Variants in POLK observed in about 807,000 individuals in gnomAD.
POLK encodes the protein polymerase (DNA directed) kappa.
Under a neutral mutation model 94.0 loss-of-function variants are expected in POLK, and 76 were observed. The observed-to-expected ratio is 0.81, with a 90% CI of 0.67 to 0.98. POLK has a LOEUF of 0.98. POLK is among the 50% of genes least tolerant of loss of function. The pLI is 0.00. For missense variants in POLK, 954 were observed against 1,010.1 expected (o/e 0.94, Z 0.75); for synonymous variants, 349 against 325.4 (o/e 1.07, Z -0.78).
chr5:75,524,387 G>T (rs1768733128), intron 1 of POLK, among the ~76,000 whole-genome samples: 1 of 152,158 alleles, frequency 6.6e-6, no homozygotes, highest in Non-Finnish European at 1.5e-5. Flanking sequence ...TTAGAAGACA[G>T]TGGAGTTTAA....
Position 75,573,102 on chromosome 5 carries a change from T to G in POLK, c.409-636T>G, listed in dbSNP as rs867558564. On this transcript the variant is annotated intron_variant, in intron 4 of 14. Transcript: ENST00000241436. ...GGCACTATTCACAATAGCAAAGACT[T>G]GGAACCAACCCAAATGTCCAACAAT... 4.2e-4 allele frequency among the ~76,000 whole-genome samples: 64 copies of G among 152,170 alleles called. 2 individuals carry two copies. The South Asian group carries it at 8.9e-3, about 21-fold the overall frequency.
intron 10 of POLK, 25 bp from the exon 11 acceptor site, chr5:75,590,319 G>C: frequency 7.4e-7 from 1 of 1,345,404 alleles, no homozygotes; most frequent in Non-Finnish European, 1.0e-6. Context: ...TACTTTGTGC[G>C]CCAAAATTAT....
chr5:75,511,133 C>G (rs1183592054), upstream of POLK: 2 of 1,602,482 alleles, frequency 1.2e-6, no homozygotes, highest in Non-Finnish European at 8.5e-7. Flanking sequence ...CCCCGCAGCG[C>G]TCCACAGGCG....
intron 2 of POLK, among the ~76,000 whole-genome samples, chr5:75,550,731 A>C (rs1425501046): frequency 6.6e-6 from 1 of 152,232 alleles, no homozygotes; most frequent in African/African-American, 2.4e-5. Context: ...AAAAGCTCTT[A>C]ACAGACTTGA....
intron 12 of POLK, among the ~76,000 whole-genome samples, chr5:75,595,248 G>GAAAAAAAAAAAAAAAAAAAAAA (rs58783164): frequency 8.0e-5 from 2 of 24,882 alleles, no homozygotes; most frequent in African/African-American, 2.2e-4. Context: ...CTCCACCTCA[G>GAAAAAAAAAAAAAAAAAAAAAA]AAAAAAAAAA....
At chr5:75,595,258 A>AAAAAAAAAAAAAAAAG in intron 12 of POLK, among the ~76,000 whole-genome samples, 1 of 149,614 alleles carries the variant, frequency 6.7e-6, no homozygotes. Context: ...GAAAAAAAAA[A>AAAAAAAAAAAAAAAAG]AAAAAAAAAA....
chr5:75,542,198 G>A (rs772044002), intron 1 of POLK, among the ~76,000 whole-genome samples: 4 of 152,102 alleles, frequency 2.6e-5, no homozygotes, highest in Non-Finnish European at 5.9e-5. Flanking sequence ...AAGGTTTTCT[G>A]AGGAAATTAT....
At chr5:75,605,273 C>G (rs1227550496), downstream of POLK, among the ~76,000 whole-genome samples, 1 of 152,104 alleles carries the variant, frequency 6.6e-6, no homozygotes, top group Non-Finnish European at 1.5e-5. Flanking sequence ...AATATCTGGC[C>G]TTCTAACTCA....
chr5:75,542,644 C>CATATATACACATAT (rs529367466), intron 1 of POLK, among the ~76,000 whole-genome samples: 1 of 145,618 alleles, frequency 6.9e-6, no homozygotes, highest in South Asian at 2.2e-4. Context: ...TACACATATA[C>CATATATACACATAT]ATATATACAC....
the POLK span, among the ~76,000 whole-genome samples, chr5:75,608,258 A>G: frequency 6.6e-6 from 1 of 151,744 alleles, no homozygotes; most frequent in Non-Finnish European, 1.5e-5. Context: ...CAGTGACATG[A>G]TAACAGCTTG....
chr5:75,587,774 A>G (rs1772548665), intron 10 of POLK, among the ~76,000 whole-genome samples: 1 of 152,162 alleles, frequency 6.6e-6, no homozygotes, highest in Non-Finnish European at 1.5e-5. Flanking sequence ...TACAAAAATC[A>G]GCCCGGTGTG....
At chr5:75,524,869 G>A (rs1040432101) in intron 1 of POLK, among the ~76,000 whole-genome samples, 2 of 152,168 alleles carry the variant, frequency 1.3e-5, no homozygotes, top group Admixed American at 6.5e-5. Flanking sequence ...AAAAGAGAGA[G>A]CCAGATAATG....
At chr5:75,566,319 C>G (rs118013601) in intron 3 of POLK, among the ~76,000 whole-genome samples, 51 of 152,308 alleles carry the variant, frequency 3.3e-4, no homozygotes, top group Middle Eastern at 3.4e-3. Context: ...GCGTGGGATC[C>G]GCTGAGCCAG....
chr5:75,532,916 A>G (rs546594484), intron 1 of POLK, among the ~76,000 whole-genome samples: 1 of 152,192 alleles, frequency 6.6e-6, no homozygotes, highest in African/African-American at 2.4e-5. Context: ...GTTTTTGCCC[A>G]CTTTATAATG....
chr5:75,584,917 A>T (rs763434745), exon 9 of POLK: 1 of 1,587,736 alleles, frequency 6.3e-7, no homozygotes, highest in Non-Finnish European at 8.6e-7. Flanking sequence ...GGTTCAACAC[A>T]CCTGACGAGG....
intron 4 of POLK, among the ~76,000 whole-genome samples, chr5:75,571,557 A>G (rs547727788): frequency 6.6e-6 from 1 of 152,318 alleles, no homozygotes. Flanking sequence ...GGCTTCATTC[A>G]TAGGTCTGGC....
chr5:75,561,244 T>C (rs1311339633), intron 3 of POLK, among the ~76,000 whole-genome samples: 1 of 152,220 alleles, frequency 6.6e-6, no homozygotes, highest in East Asian at 1.9e-4. Flanking sequence ...TGGTTTTGAT[T>C]TGCGTTTCTC....
intron 1 of POLK, among the ~76,000 whole-genome samples, chr5:75,528,121 G>T (rs1180660612): frequency 6.6e-6 from 1 of 151,926 alleles, no homozygotes; most frequent in Non-Finnish European, 1.5e-5. Flanking sequence ...TTTAAATAAA[G>T]AAAACAGACT....
chr5:75,587,750 G>T (rs1347176440), intron 10 of POLK, among the ~76,000 whole-genome samples: 1 of 152,110 alleles, frequency 6.6e-6, no homozygotes, highest in Admixed American at 6.6e-5. Flanking sequence ...GCAAAACCCT[G>T]ACTCTACTAA....
Sources: gnomAD v4.1 joint callset for allele counts (sites outside exome capture counted in the v4.1 genomes callset) on GRCh38, gnomAD v4.1.1 for gene constraint, MANE v1.5 for transcripts, NCBI Gene and HGNC (gene_info 2026-07-23, HGNC 2026-07-21) for gene names.